The following SLC13A2 variants were observed in gnomAD, a reference collection of about 807,000 sequenced individuals.
The protein encoded by SLC13A2 is Na(+)-coupled citrate transporter.
A neutral mutation model predicts 58.5 loss-of-function variants in SLC13A2; 40 were observed. That is an observed-to-expected ratio of 0.68 (90% confidence interval 0.53 to 0.89). The LOEUF (loss-of-function observed/expected upper bound fraction) is 0.89, where lower values mean the gene tolerates loss of function less well. SLC13A2 is among the 40% of genes least tolerant of loss of function. SLC13A2 has a pLI of 0.00. For synonymous variants in SLC13A2, 341 were observed against 331.6 expected, an observed-to-expected ratio of 1.03 and a Z score of -0.31; for missense variants, 694 against 772.6, an observed-to-expected ratio of 0.90 and a Z score of 1.21.
At position 28,490,883 on chromosome 17, in the gene SLC13A2, C is replaced by A. The variant is rs1555603240; in HGVS notation, c.551C>A (p.Pro184His). ...ACCTTCGAGCTCCAGGAACCAAGTCCCCAGAAGGAGGTGACCAAGCTTGGT... is the reference window on the plus strand; with the variant it reads ...ACCTTCGAGCTCCAGGAACCAAGTCACCAGAAGGAGGTGACCAAGCTTGGT... ...NPTFELQEPS[P>H]QKEVTKLDNG... The change falls in exon 4 of 12, where the codon CCC becomes CAC. Residue 184 changes from proline to histidine, a missense_variant. Physicochemically the swap from Pro to His is moderately conservative, Grantham distance 77 (BLOSUM62 -2). Transcript: ENST00000314669. 6.2e-7 allele frequency: 1 copy of A among 1,613,866 alleles called. No individual in the cohort carries two copies. The highest frequency in any genetic ancestry group is 1.1e-5 in the South Asian group (1 of 91,008).
chr17:28,474,714 CA>C (rs2068642173), intron 1 of SLC13A2, among the ~76,000 whole-genome samples: 2 of 152,038 alleles, frequency 1.3e-5, no homozygotes, highest in African/African-American at 2.4e-5. Context: ...GGGAAGGGTC[CA>C]GGGGGAAGGC....
rs570828801 is a variant in SLC13A2, at chr17:28,494,639, G to T, written c.1308+127G>T. On this transcript the variant is annotated intron_variant, in intron 9 of 11. Transcript: ENST00000314669. This position sits in a 1 kb window ranked among gnomAD's most constrained non-coding sequence, Gnocchi z 4.0. The stretch of plus-strand genomic sequence containing the variant: ...CACGTAGGAGCCTCTCGGGTAGGCA[G>T]AGCCTTTGCAGCAGCTGGGAAGACT... 1.4e-6 allele frequency: 2 copies of T among 1,381,446 alleles called. No homozygotes were observed. The highest frequency in any genetic ancestry group is 2.7e-5 in the South Asian group (2 of 73,420). The allele number at this position is 1,381,446 out of a possible 1,614,324, so 85.6% of individuals were successfully genotyped here.
chr17:28,482,617 T>C (rs1555601317), intron 1 of SLC13A2, among the ~76,000 whole-genome samples: 1 of 152,234 alleles, frequency 6.6e-6, no homozygotes, highest in African/African-American at 2.4e-5. Context: ...CTCTCTCTGC[T>C]TAAAACTCTT....
At chr17:28,484,390 C>T (rs1054050127) in intron 1 of SLC13A2, among the ~76,000 whole-genome samples, 1 of 152,082 alleles carries the variant, frequency 6.6e-6, no homozygotes, top group Non-Finnish European at 1.5e-5. Context: ...GAGAGGAAAT[C>T]GTGTGCAGAG....
At chr17:28,476,526 CT>C (rs1209739129) in intron 1 of SLC13A2, among the ~76,000 whole-genome samples, 2 of 152,144 alleles carry the variant, frequency 1.3e-5, no homozygotes, top group Non-Finnish European at 2.9e-5. Flanking sequence ...CTCCCTCCCC[CT>C]GTGACCCACC....
intron 1 of SLC13A2, among the ~76,000 whole-genome samples, chr17:28,475,894 A>T (rs1023130394): frequency 6.6e-6 from 1 of 152,162 alleles, no homozygotes; most frequent in Non-Finnish European, 1.5e-5. Flanking sequence ...GTGCTTTAAA[A>T]AGCATCTCTA....
chr17:28,477,902 A>G (rs2068718392), intron 1 of SLC13A2, among the ~76,000 whole-genome samples: 1 of 151,992 alleles, frequency 6.6e-6, no homozygotes, highest in Admixed American at 6.6e-5. Flanking sequence ...TACTAAAAAT[A>G]CAAAAATTAG....
intron 1 of SLC13A2, among the ~76,000 whole-genome samples, chr17:28,484,681 C>A (rs2068845207): frequency 6.6e-6 from 1 of 152,078 alleles, no homozygotes; most frequent in Non-Finnish European, 1.5e-5. Context: ...AGAGAGGAAG[C>A]TGGGAGATGA....
Position 28,487,512 on chromosome 17 carries a change from T to A in SLC13A2, c.103-1702T>A, listed in dbSNP as rs1041295946. 8.1e-6 allele frequency: 8 copies of A among 984,772 alleles called. No homozygotes were observed. In the East Asian group the frequency reaches 7.9e-4, roughly 98 times the overall value. 61.0% of individuals were successfully genotyped at this position (984,772 alleles called of 1,614,324 possible). On this transcript the variant is annotated intron_variant, in intron 1 of 11. Coordinates refer to ENST00000314669, the MANE Select transcript of SLC13A2 (RefSeq NM_003984.4). ...TATGACGCCTGGCACAAAGTCATCC[T>A]CCAATACTTATACAGAAACTTCTTC...
chr17:28,488,716 G>A (rs1044436787), intron 1 of SLC13A2, among the ~76,000 whole-genome samples: 3 of 152,216 alleles, frequency 2.0e-5, no homozygotes, highest in African/African-American at 4.8e-5. Context: ...TTGCTAGAAA[G>A]GATGCCACAA....
rs2068625692 is a variant in SLC13A2, at chr17:28,473,821, A to G, written c.102+7A>G. 1 of 1,613,010 alleles carries G rather than the reference A, an allele frequency of 6.2e-7. No homozygotes were observed. The highest frequency in any genetic ancestry group is 1.3e-5 in the African/African-American group (1 of 74,818). ...CATCCTCGTCCCCAGTAAGGTAAGG[A>G]CTTGGTGTTCTGAGCACAGATAACT... On this transcript the variant is annotated splice_region_variant and intron_variant, in intron 1 of 11. Coordinates refer to ENST00000314669, the MANE Select transcript of SLC13A2 (RefSeq NM_003984.4).
rs781915644 is a variant in SLC13A2, at chr17:28,497,204, G to A, written c.1714G>A (p.Ala572Thr). 6.2e-7 allele frequency: 1 copy of A among 1,614,098 alleles called. No homozygotes were observed. The highest frequency in any genetic ancestry group is 8.5e-7 in the Non-Finnish European group (1 of 1,180,006). The change falls in exon 12 of 12, where the codon GCA becomes ACA. Residue 572 changes from alanine (A) to threonine (T), a missense_variant. Ala to Thr is a moderately conservative substitution (Grantham distance 58, BLOSUM62 0). Coordinates refer to ENST00000314669, the MANE Select transcript of SLC13A2 (RefSeq NM_003984.4). ...LFSLHSFPSW[A>T]QSNTTAQCLP... is the part of the protein sequence containing the mutation. ...CAGCCTGCACTCTTTCCCCTCCTGG[G>A]CACAGTCCAACACCACAGCCCAGTG...
In SLC13A2 at chr17:28,493,593, G is replaced by A. The variant is rs782225561; in HGVS notation, c.901G>A (p.Gly301Arg). 6.2e-6 allele frequency: 10 copies of A among 1,606,768 alleles called. No homozygotes were observed. In the Admixed American group the frequency reaches 6.7e-5, roughly 11 times the overall value. The change falls in exon 7 of 12, where the codon GGG becomes AGG. Residue 301 changes from glycine (G) to arginine (R), a missense_variant. Transcript: ENST00000314669. ...CAGCTTCCGGAAGAACTTTGGCATT[G>A]GGGAAAAGATGCAGGAGCAACAGCA... ...GFNFRKNFGI[G>R]EKMQEQQQAA...
chr17:28,491,873 G>A, intron 6 of SLC13A2, 21 bp downstream of exon 6: 1 of 1,613,078 alleles, frequency 6.2e-7, no homozygotes, highest in South Asian at 1.1e-5. Flanking sequence ...AAGTTGGTGA[G>A]AGAAGCCCAG....
chr17:28,497,305 AC>A lies in SLC13A2; in HGVS notation c.*40del, dbSNP rs2069166156. On this transcript the variant is annotated 3_prime_UTR_variant, in exon 12 of 12. Coordinates refer to ENST00000314669, the MANE Select transcript of SLC13A2 (RefSeq NM_003984.4). ...AGCCTGGCCATGCCCAGGAAGACCC[AC>A]CCCATTCCCACTCCTCTGAGCCCGG... 1 of 1,585,362 alleles carries A rather than the reference AC, an allele frequency of 6.3e-7. No individual in the cohort carries two copies. Among genetic ancestry groups the A allele is most frequent in the Non-Finnish European group, 8.6e-7 (1 of 1,162,990 alleles).
At chr17:28,481,431 G>A (rs530605485) in intron 1 of SLC13A2, among the ~76,000 whole-genome samples, 1 of 152,346 alleles carries the variant, frequency 6.6e-6, no homozygotes, top group South Asian at 2.1e-4. Flanking sequence ...CAGGCATGGG[G>A]TGGGAAAGCT....
At position 28,494,517 on chromosome 17, in the gene SLC13A2, G is replaced by C. The variant is rs2069101799; in HGVS notation, c.1308+5G>C. The C allele has an allele frequency of 6.2e-7, 1 of 1,613,822 alleles. No individual in the cohort carries two copies. The highest frequency in any genetic ancestry group is 1.1e-5 in the South Asian group (1 of 91,062). On this transcript the variant is annotated splice_donor_5th_base_variant and intron_variant, in intron 9 of 11. Transcript: ENST00000314669. This position sits in a 1 kb window ranked among gnomAD's most constrained non-coding sequence, Gnocchi z 4.0. ...GCCCTGGCCAAGGGCAGTGAGGTGA[G>C]AGGCCCCCAGCCCCCTCCTCAGCCT... is the stretch of plus-strand genomic sequence containing the variant.
chr17:28,494,390 G>T lies in SLC13A2; in HGVS notation c.1187-1G>T. The T allele has an allele frequency of 6.2e-7, 1 of 1,614,190 alleles. No homozygotes were observed. Among genetic ancestry groups the T allele is most frequent in the Non-Finnish European group, 8.5e-7 (1 of 1,180,038 alleles). On this transcript the variant is annotated splice_acceptor_variant, in intron 8 of 11. Coordinates refer to ENST00000314669, the MANE Select transcript of SLC13A2 (RefSeq NM_003984.4). LOFTEE classifies it high-confidence loss of function. This position sits in a 1 kb window ranked among gnomAD's most constrained non-coding sequence, Gnocchi z 4.0. ...CCCATCCTTCTCTGCTTGGGAAGTA[G>T]AAAACCCAGGGAAGCTGAAGGCCCC...
At chr17:28,481,053 A>C (rs1023050815) in intron 1 of SLC13A2, among the ~76,000 whole-genome samples, 29 of 152,328 alleles carry the variant, frequency 1.9e-4, no homozygotes, top group Middle Eastern at 3.4e-3. Flanking sequence ...GTCCCTGTTT[A>C]TCGGCACCTG....
Sources: allele counts gnomAD v4.1 joint callset (sites outside exome capture counted in the v4.1 genomes callset), GRCh38; gene constraint gnomAD v4.1.1; non-coding constraint Gnocchi (gnomAD v3.1); transcripts MANE v1.5; gene names NCBI Gene and HGNC (gene_info 2026-07-23, HGNC 2026-07-21).